MCF2: variants seen among roughly 807,000 people sequenced by gnomAD.
MCF2 encodes the protein MCF.2 cell line derived transforming sequence.
Under a neutral mutation model 82.5 loss-of-function variants are expected in MCF2, and 44 were observed. The ratio of observed to expected loss-of-function variants is 0.53; its 90% CI spans 0.42 to 0.69. MCF2 has a LOEUF of 0.69. MCF2 is among the 30% of genes least tolerant of loss of function. The pLI is 0.00. For synonymous variants in MCF2, 217 were observed against 224.9 expected (o/e 0.96, Z 0.32); for missense variants, 623 against 663.1 (o/e 0.94, Z 0.66).
chrX:139,688,260 A>C (rs771682717), intron 1 of MCF2, among the ~76,000 whole-genome samples: 1 of 111,745 alleles, frequency 8.9e-6, no homozygotes, highest in Non-Finnish European at 1.9e-5. Flanking sequence ...TATAAGGACA[A>C]TCTTAACCCA....
chrX:139,706,319 C>T (rs1394500338), intron 1 of MCF2, among the ~76,000 whole-genome samples: 1 of 112,455 alleles, frequency 8.9e-6, no homozygotes, highest in Non-Finnish European at 1.9e-5. Flanking sequence ...AACCCAGGTT[C>T]CCATCAGTGG....
At chrX:139,681,052 G>GC (rs980048513) in intron 1 of MCF2, among the ~76,000 whole-genome samples, 3 of 112,257 alleles carry the variant, frequency 2.7e-5, no homozygotes, top group African/African-American at 9.7e-5. Flanking sequence ...ACTCAAAGAT[G>GC]CCCCCAAATA....
intron 1 of MCF2, among the ~76,000 whole-genome samples, chrX:139,703,562 C>T (rs984916648): frequency 9.0e-6 from 1 of 111,247 alleles, no homozygotes; most frequent in African/African-American, 3.3e-5. Flanking sequence ...ATGGTGAAAC[C>T]CCATCTCTAC....
Position 139,628,304 on chromosome X carries a change from C to T in MCF2, c.438+1391G>A, listed in dbSNP as rs776857905. 8.9e-5 allele frequency among the ~76,000 whole-genome samples: 10 copies of T among 111,875 alleles called. No homozygotes were observed. In the South Asian group the frequency reaches 1.1e-3, roughly 13 times the overall value. On this transcript the variant is annotated intron_variant, in intron 4 of 24. Coordinates refer to ENST00000370576, the Ensembl canonical transcript of MCF2. Reference sequence around the variant, plus strand: ...AATACTATACAGTCATAAAAAAGAACGAGATCATGTCCTCTGCAGCAACAT... The same window carrying T: ...AATACTATACAGTCATAAAAAAGAATGAGATCATGTCCTCTGCAGCAACAT...
intron 1 of MCF2, among the ~76,000 whole-genome samples, chrX:139,675,752 G>A (rs2148558557): frequency 9.0e-6 from 1 of 111,422 alleles, no homozygotes; most frequent in East Asian, 2.8e-4. Context: ...ACTGGGAGGT[G>A]TCTCCCAGTT....
chrX:139,625,632 G>A (rs905363828), intron 6 of MCF2, among the ~76,000 whole-genome samples: 6 of 111,546 alleles, frequency 5.4e-5, no homozygotes, highest in African/African-American at 9.8e-5. Context: ...GAACATGACC[G>A]CAAAAGGAAA....
intron 4 of MCF2, among the ~76,000 whole-genome samples, chrX:139,628,487 G>A (rs1932817832): frequency 1.8e-5 from 2 of 111,128 alleles, no homozygotes; most frequent in African/African-American, 3.3e-5. Context: ...AGGGTGGGAG[G>A]AGGCAGAGTG....
intron 2 of MCF2, among the ~76,000 whole-genome samples, chrX:139,649,576 A>G (rs1305368071): frequency 8.9e-6 from 1 of 111,974 alleles, no homozygotes; most frequent in Non-Finnish European, 1.9e-5. Context: ...TATAAGAGTA[A>G]ATTATCATTG....
At chrX:139,647,050 G>A (rs1426269679), upstream of MCF2, 1 of 417,655 alleles carries the variant, frequency 2.4e-6, no homozygotes, top group Non-Finnish European at 4.2e-6. Flanking sequence ...ATGGCTCCAA[G>A]TTCCTGACAC....
intron 1 of MCF2, among the ~76,000 whole-genome samples, chrX:139,640,313 A>G (rs148726399): frequency 2.7e-5 from 3 of 111,820 alleles, no homozygotes; most frequent in Admixed American, 9.5e-5. Context: ...ATCTCTGCAG[A>G]ATATGTTGGG....
intron 1 of MCF2, among the ~76,000 whole-genome samples, chrX:139,671,204 T>G (rs1934679416): frequency 8.9e-6 from 1 of 112,335 alleles, no homozygotes; most frequent in Non-Finnish European, 1.9e-5. Flanking sequence ...TTGTAGATTC[T>G]GGATATTAGC....
At chrX:139,582,345 G>T (rs1928543121) in exon 25 of MCF2, 2 of 650,836 alleles carry the variant, frequency 3.1e-6, no homozygotes, top group Non-Finnish European at 2.5e-6. Context: ...TGGTTTCTTT[G>T]CGTGTCCATT....
chrX:139,701,507 T>C (rs1935497503), intron 1 of MCF2, among the ~76,000 whole-genome samples: 1 of 111,911 alleles, frequency 8.9e-6, no homozygotes, highest in Admixed American at 9.5e-5. Flanking sequence ...GGAGAAGAAA[T>C]TCTGCCTCAA....
intron 2 of MCF2, among the ~76,000 whole-genome samples, chrX:139,650,812 C>T (rs970250942): frequency 8.1e-5 from 9 of 111,717 alleles, no homozygotes; most frequent in African/African-American, 1.3e-4. Context: ...AACAGATAAA[C>T]AAAGTGTGGA....
chrX:139,696,444 G>C (rs1935386840), intron 1 of MCF2, among the ~76,000 whole-genome samples: 1 of 105,416 alleles, frequency 9.5e-6, no homozygotes, highest in Non-Finnish European at 1.9e-5. Context: ...TTTTGTTTGA[G>C]ACAGAGTCTT....
intron 1 of MCF2, among the ~76,000 whole-genome samples, chrX:139,654,665 A>G (rs753697172): frequency 1.1e-4 from 12 of 110,962 alleles, no homozygotes; most frequent in African/African-American, 3.9e-4. Flanking sequence ...CCATTTGTCT[A>G]TTTTTGCTGT....
Position 139,596,716 on chromosome X carries a change from T to C in MCF2, c.2110A>G (p.Ile704Val). Residue 704 changes from isoleucine to valine, a missense_variant, in exon 19 of 25, where the codon ATA becomes GTA. Physicochemically the swap from Ile to Val is conservative, Grantham distance 29 (BLOSUM62 3). Coordinates refer to ENST00000370576, the Ensembl canonical transcript of MCF2. ...TTTGTAGCACCTTTCTTGTGCCCTA[T>C]CCAAACGCTGAATCCACCTTGCATT... 1.7e-6 allele frequency: 2 copies of C among 1,210,106 alleles called. No homozygotes were observed. The highest frequency in any genetic ancestry group is 2.2e-6 in the Non-Finnish European group (2 of 894,460).
At chrX:139,698,022 C>A (rs1210915979) in intron 1 of MCF2, among the ~76,000 whole-genome samples, 1 of 110,878 alleles carries the variant, frequency 9.0e-6, no homozygotes, top group Non-Finnish European at 1.9e-5. Context: ...TCCCTGTAGT[C>A]CCAGCTACTC....
intron 24 of MCF2, 89 bp from the exon 29 acceptor site, chrX:139,582,592 G>A (rs751426560): frequency 1.5e-6 from 1 of 653,000 alleles, no homozygotes; most frequent in South Asian, 2.6e-5. Flanking sequence ...TCTTGTTTTG[G>A]CAGGGAAGAA....
Sources: allele counts gnomAD v4.1 joint callset (sites outside exome capture counted in the v4.1 genomes callset), GRCh38; gene constraint gnomAD v4.1.1; transcripts MANE v1.5; gene names NCBI Gene and HGNC (gene_info 2026-07-23, HGNC 2026-07-21).